The following ROR1 variants were observed in gnomAD, a reference collection of about 807,000 sequenced individuals.
The protein encoded by ROR1 is ROR family WNT receptor 1.
ROR1 carries 19 observed loss-of-function variants against 78.8 expected under a neutral mutation model. That is an observed-to-expected ratio of 0.24 (90% CI 0.17 to 0.35). The LOEUF is 0.35. Ranked by LOEUF, ROR1 falls within the 10% of genes least tolerant of loss-of-function variation. ROR1 has a pLI of 1.00. For missense variants in ROR1, 917 were observed against 1,177.8 expected (o/e 0.78, Z 3.24); for synonymous variants, 386 against 433.6 (o/e 0.89, Z 1.36).
intron 7 of ROR1, among the ~76,000 whole-genome samples, chr1:64,147,333 A>G (rs1649502869): frequency 6.6e-6 from 1 of 152,174 alleles, no homozygotes; most frequent in African/African-American, 2.4e-5. Context: ...AAATATAGAG[A>G]TGACAAGGCA....
chr1:63,782,563 T>TTTTG (rs1644658956), intron 1 of ROR1, among the ~76,000 whole-genome samples: 2 of 151,724 alleles, frequency 1.3e-5, no homozygotes, highest in South Asian at 4.2e-4. Flanking sequence ...TTTTGTTTTT[T>TTTTG]TTTTTGTTAC....
chr1:64,170,327 T>G (rs1289195714), intron 8 of ROR1, among the ~76,000 whole-genome samples: 1 of 152,170 alleles, frequency 6.6e-6, no homozygotes, highest in African/African-American at 2.4e-5. Context: ...CAACACCACA[T>G]GGAAGCTGCC....
intron 4 of ROR1, among the ~76,000 whole-genome samples, chr1:64,128,877 A>G (rs116550580): frequency 2.1e-3 from 322 of 152,298 alleles, no homozygotes; most frequent in Non-Finnish European, 3.5e-3. Context: ...AGGATATTGT[A>G]AAGATGCCAG....
intron 7 of ROR1, among the ~76,000 whole-genome samples, chr1:64,156,995 A>G (rs995944446): frequency 5.9e-5 from 9 of 152,198 alleles, no homozygotes; most frequent in Non-Finnish European, 8.8e-5. Context: ...ATCTTCACCT[A>G]TAAAAATTAG....
chr1:63,855,138 G>T (rs909473699), intron 1 of ROR1, among the ~76,000 whole-genome samples: 1 of 152,084 alleles, frequency 6.6e-6, no homozygotes, highest in East Asian at 1.9e-4. Context: ...TTATGAAATG[G>T]ACAGTTCAAA....
At chr1:63,950,733 A>G (rs1312338378) in intron 1 of ROR1, among the ~76,000 whole-genome samples, 3 of 152,216 alleles carry the variant, frequency 2.0e-5, no homozygotes, top group Admixed American at 6.5e-5. Flanking sequence ...TTTGTTTTTA[A>G]CAAGCACCAC....
chr1:63,980,463 G>A (rs1467747526), intron 1 of ROR1, among the ~76,000 whole-genome samples: 1 of 152,112 alleles, frequency 6.6e-6, no homozygotes, highest in African/African-American at 2.4e-5. Context: ...CTGGGACCAG[G>A]GAAGAAATTC....
At position 63,990,558 on chromosome 1, in the gene ROR1, A is replaced by G. The variant is rs927321021; in HGVS notation, c.92-18747A>G. ...TATGAGCTCGTTGACATCCAAGAAGACTTTTCAGTTTTATTATGAACCTTT... is the reference window on the plus strand; with the variant it reads ...TATGAGCTCGTTGACATCCAAGAAGGCTTTTCAGTTTTATTATGAACCTTT... On this transcript the variant is annotated intron_variant, in intron 1 of 8. Transcript: ENST00000371079. 1.8e-4 allele frequency among the ~76,000 whole-genome samples: 28 copies of G among 152,280 alleles called. 1 individual carries two copies. The highest frequency in any genetic ancestry group is 1.0e-3 in the Admixed American group (16 of 15,292).
intron 4 of ROR1, among the ~76,000 whole-genome samples, chr1:64,090,510 A>G (rs1158925044): frequency 1.3e-5 from 2 of 152,228 alleles, no homozygotes; most frequent in Non-Finnish European, 2.9e-5. Flanking sequence ...ACAATTAAAG[A>G]TAAACAAATA....
chr1:63,963,444 C>T (rs907766421), intron 1 of ROR1, among the ~76,000 whole-genome samples: 1 of 151,934 alleles, frequency 6.6e-6, no homozygotes, highest in Admixed American at 6.6e-5. Flanking sequence ...TGGTGCACAC[C>T]TGTAATCCCA....
intron 1 of ROR1, among the ~76,000 whole-genome samples, chr1:63,892,741 A>T (rs974038097): frequency 6.6e-6 from 1 of 152,174 alleles, no homozygotes; most frequent in South Asian, 2.1e-4. Flanking sequence ...CAAGTTGCCA[A>T]CCTTCTCTAA....
chr1:63,975,096 G>A (rs1196929478), intron 1 of ROR1, among the ~76,000 whole-genome samples: 1 of 152,080 alleles, frequency 6.6e-6, no homozygotes, highest in Non-Finnish European at 1.5e-5. Flanking sequence ...TGCCCAGTAG[G>A]CAATTGGCCA....
chr1:63,872,573 C>T (rs1017394018), intron 1 of ROR1, among the ~76,000 whole-genome samples: 1 of 152,164 alleles, frequency 6.6e-6, no homozygotes, highest in Non-Finnish European at 1.5e-5. Context: ...AAGATATACA[C>T]ACCACCAAGT....
At chr1:64,048,774 T>C (rs1646805441) in intron 2 of ROR1, among the ~76,000 whole-genome samples, 1 of 152,120 alleles carries the variant, frequency 6.6e-6, no homozygotes, top group South Asian at 2.1e-4. Context: ...CAAAGCAAAA[T>C]ATACATGCAG....
At chr1:63,904,070 G>C (rs750433122) in intron 1 of ROR1, among the ~76,000 whole-genome samples, 1 of 152,140 alleles carries the variant, frequency 6.6e-6, no homozygotes, top group Non-Finnish European at 1.5e-5. Context: ...GTCAGGGAAT[G>C]GTAGGGAAGC....
intron 2 of ROR1, among the ~76,000 whole-genome samples, chr1:64,025,497 T>C (rs1468896226): frequency 6.6e-6 from 1 of 152,170 alleles, no homozygotes; most frequent in African/African-American, 2.4e-5. Flanking sequence ...TACACACACA[T>C]ATTTATAGCA....
chr1:63,968,895 C>A (rs1646096951), intron 1 of ROR1, among the ~76,000 whole-genome samples: 1 of 152,120 alleles, frequency 6.6e-6, no homozygotes, highest in African/African-American at 2.4e-5. Context: ...GGAGTGCAGA[C>A]CCAGGAAATA....
At chr1:64,080,356 A>G (rs916531723) in intron 4 of ROR1, among the ~76,000 whole-genome samples, 1 of 152,214 alleles carries the variant, frequency 6.6e-6, no homozygotes, top group Non-Finnish European at 1.5e-5. Context: ...GCCGCTCTCA[A>G]CAAAGAATCA....
intron 1 of ROR1, among the ~76,000 whole-genome samples, chr1:63,953,005 G>C (rs987554780): frequency 4.6e-5 from 7 of 152,054 alleles, no homozygotes; most frequent in African/African-American, 1.4e-4. Context: ...GAAAATTATG[G>C]GGCATTAATC....
Sources: allele counts gnomAD v4.1 joint callset (sites outside exome capture counted in the v4.1 genomes callset), GRCh38; gene constraint gnomAD v4.1.1; transcripts MANE v1.5; gene names NCBI Gene and HGNC (gene_info 2026-07-23, HGNC 2026-07-21).